JAK2: variants seen among roughly 807,000 people sequenced by gnomAD.
JAK2 encodes Janus kinase 2.
Under a neutral mutation model 139.3 loss-of-function variants are expected in JAK2, and 86 were observed. The ratio of observed to expected loss-of-function variants is 0.62; its 90% CI spans 0.52 to 0.74. The LOEUF (loss-of-function observed/expected upper bound fraction) is 0.74, where lower values mean the gene tolerates loss of function less well. JAK2 is among the 30% of genes least tolerant of loss of function. JAK2 has a pLI of 0.00. For missense variants in JAK2, 1,421 were observed against 1,360.3 expected (o/e 1.04, Z -0.70); for synonymous variants, 490 against 437.7 (o/e 1.12, Z -1.49).
rs556469073 is a variant in JAK2 at position 5,054,408 on chromosome 9, A to G, written c.615-155A>G. Among the ~76,000 whole-genome samples, 1 of 152,166 alleles carries G rather than the reference A, an allele frequency of 6.6e-6. No homozygotes were observed. The highest frequency in any genetic ancestry group is 2.4e-5 in the African/African-American group (1 of 41,566). ...ACAAAATCTTAAAGTTTTATACTGT[A>G]TGGATGGGGGTTATGTCAACTTACG... On this transcript the variant is annotated intron_variant, in intron 6 of 24. Transcript: ENST00000381652. The surrounding 1 kb of genome is among the most constrained non-coding windows in gnomAD (Gnocchi z 4.9).
rs1199117283 is a variant in JAK2 at position 5,127,946 on chromosome 9, A to C, written c.*1155A>C. 2 of 232,316 alleles carry C rather than the reference A, an allele frequency of 8.6e-6. No homozygotes were observed. The highest frequency in any genetic ancestry group is 4.4e-5 in the African/African-American group (2 of 45,276). 14.4% of individuals were successfully genotyped at this position (232,316 alleles called of 1,614,324 possible). On this transcript the variant is annotated 3_prime_UTR_variant, in exon 25 of 25. Coordinates refer to ENST00000381652, the MANE Select transcript of JAK2 (RefSeq NM_004972.4). ...TCAAGAATGCCAGTAGAAAATTCAT[A>C]ACGTGTATCTTTAAGAAAAATGAGC...
At chr9:5,092,135 G>A (rs549321750) in intron 22 of JAK2, among the ~76,000 whole-genome samples, 10 of 152,176 alleles carry the variant, frequency 6.6e-5, no homozygotes, top group African/African-American at 2.4e-4. Flanking sequence ...TTAGGTCAAC[G>A]TGTAGCTCAT....
intron 4 of JAK2, among the ~76,000 whole-genome samples, chr9:5,043,498 G>C (rs751854406): frequency 3.1e-4 from 47 of 152,152 alleles, no homozygotes; most frequent in Non-Finnish European, 6.0e-4. Context: ...TATTGCTGTT[G>C]GGAATGTAAA....
intron 2 of JAK2, among the ~76,000 whole-genome samples, chr9:5,009,224 G>T (rs886742928): frequency 2.6e-5 from 4 of 152,184 alleles, no homozygotes; most frequent in African/African-American, 9.7e-5. Context: ...ACACCTGTGG[G>T]AAAGGAGAGA....
chr9:5,064,493 G>C (rs1818428965), intron 8 of JAK2, among the ~76,000 whole-genome samples: 1 of 150,384 alleles, frequency 6.6e-6, no homozygotes, highest in African/African-American at 2.5e-5. Context: ...TTGTGCCAGT[G>C]CACTTCAGCC....
At chr9:5,112,065 G>A (rs780751043) in intron 22 of JAK2, 58 of 400,826 alleles carry the variant, frequency 1.4e-4, no homozygotes, top group Middle Eastern at 7.2e-4. Flanking sequence ...GGGTCTCCAC[G>A]GCCTGGAGAG....
chr9:5,083,653 T>C (rs1199271639), intron 19 of JAK2, among the ~76,000 whole-genome samples: 1 of 152,158 alleles, frequency 6.6e-6, no homozygotes, highest in African/African-American at 2.4e-5. Context: ...AATTTTGTCA[T>C]ATATTGTCAA....
chr9:5,105,736 C>G (rs571355329), intron 22 of JAK2, among the ~76,000 whole-genome samples: 63 of 152,304 alleles, frequency 4.1e-4, no homozygotes, highest in East Asian at 7.7e-4. Flanking sequence ...TGGAACAGAA[C>G]AGAGGCCTCA....
chr9:5,031,893 G>C (rs1403858147), intron 4 of JAK2, among the ~76,000 whole-genome samples: 1 of 152,200 alleles, frequency 6.6e-6, no homozygotes, highest in African/African-American at 2.4e-5. Context: ...GTCTCACTGG[G>C]GAGTGTAGGA....
chr9:5,020,324 C>T (rs920432650), intron 2 of JAK2, among the ~76,000 whole-genome samples: 7 of 152,262 alleles, frequency 4.6e-5, no homozygotes, highest in Admixed American at 6.5e-5. Context: ...CAAACTGGTG[C>T]GATCCCAAGG....
At chr9:4,990,414 G>T (rs1820173278) in intron 2 of JAK2, among the ~76,000 whole-genome samples, 2 of 152,188 alleles carry the variant, frequency 1.3e-5, no homozygotes, top group South Asian at 4.1e-4. Flanking sequence ...AGACAGTTGA[G>T]CGTATATTGT....
chr9:5,054,902 G>T lies in JAK2; in HGVS notation c.936+18G>T, dbSNP rs888941634. Reference sequence around the variant, plus strand: ...CAGAACAGGTAATCCTTAATGATATGTTCTTGTTCTTTGTTATTTTAAGTA... The same window carrying T: ...CAGAACAGGTAATCCTTAATGATATTTTCTTGTTCTTTGTTATTTTAAGTA... On this transcript the variant is annotated intron_variant, in intron 7 of 24. Coordinates refer to ENST00000381652, the MANE Select transcript of JAK2 (RefSeq NM_004972.4). The surrounding 1 kb of genome is among the most constrained non-coding windows in gnomAD (Gnocchi z 4.9). 1 of 1,499,778 alleles carries T rather than the reference G, an allele frequency of 6.7e-7. No homozygotes were observed. Among genetic ancestry groups the T allele is most frequent in the African/African-American group, 1.4e-5 (1 of 70,710 alleles). 92.9% of individuals were successfully genotyped at this position (1,499,778 alleles called of 1,614,324 possible).
At chr9:5,107,251 G>A (rs986859677) in intron 22 of JAK2, among the ~76,000 whole-genome samples, 5 of 151,860 alleles carry the variant, frequency 3.3e-5, no homozygotes, top group African/African-American at 9.7e-5. Context: ...CTTAGTAACC[G>A]ACACCTTACT....
chr9:5,027,625 T>C (rs1323212130), intron 3 of JAK2, among the ~76,000 whole-genome samples: 1 of 152,208 alleles, frequency 6.6e-6, no homozygotes, highest in Non-Finnish European at 1.5e-5. Context: ...TGATAGCATT[T>C]TACCCGCAGT....
intron 4 of JAK2, among the ~76,000 whole-genome samples, chr9:5,032,269 G>C (rs1194005645): frequency 6.6e-6 from 1 of 152,224 alleles, no homozygotes; most frequent in African/African-American, 2.4e-5. Context: ...ACTGGGTGGA[G>C]CCCACCACAG....
Position 5,102,770 on chromosome 9 carries a change from C to T in JAK2, c.3059+11859C>T, listed in dbSNP as rs556288305. Among the ~76,000 whole-genome samples the T allele has an allele frequency of 1.1e-4, 17 of 152,228 alleles. 1 individual carries two copies. Among genetic ancestry groups the T allele is most frequent in the African/African-American group, 3.9e-4 (16 of 41,518 alleles). Reference sequence around the variant, plus strand: ...TCTTAGAGAAAAAGACTTTTCAACCCAGAATTTCATATCCAGCCACACTAA... The same window carrying T: ...TCTTAGAGAAAAAGACTTTTCAACCTAGAATTTCATATCCAGCCACACTAA... On this transcript the variant is annotated intron_variant, in intron 22 of 24. Coordinates refer to ENST00000381652, the MANE Select transcript of JAK2 (RefSeq NM_004972.4).
intron 8 of JAK2, among the ~76,000 whole-genome samples, chr9:5,064,334 A>T (rs1284471285): frequency 6.6e-6 from 1 of 152,168 alleles, no homozygotes; most frequent in Non-Finnish European, 1.5e-5. Flanking sequence ...GTTGGAGACC[A>T]GCCTGGCCAA....
At chr9:5,046,442 A>G (rs912129234) in intron 5 of JAK2, among the ~76,000 whole-genome samples, 5 of 151,952 alleles carry the variant, frequency 3.3e-5, no homozygotes, top group Non-Finnish European at 5.9e-5. Context: ...TTTGTTTCCT[A>G]TGTTTTTGGT....
intron 2 of JAK2, among the ~76,000 whole-genome samples, chr9:5,020,506 T>C (rs1267464700): frequency 6.6e-6 from 1 of 152,114 alleles, no homozygotes; most frequent in Non-Finnish European, 1.5e-5. Flanking sequence ...GGCTGTGCTG[T>C]GCCCTGATGC....
Sources: gnomAD v4.1 joint callset for allele counts (sites outside exome capture counted in the v4.1 genomes callset) on GRCh38, gnomAD v4.1.1 for gene constraint, Gnocchi (gnomAD v3.1) non-coding constraint, MANE v1.5 for transcripts, NCBI Gene and HGNC (gene_info 2026-07-23, HGNC 2026-07-21) for gene names.